CUX1: variants seen among roughly 807,000 people sequenced by gnomAD.
CUX1 encodes protein CASP.
Under a neutral mutation model 158.8 loss-of-function variants are expected in CUX1, and 31 were observed. The ratio of observed to expected loss-of-function variants is 0.20; its 90% CI spans 0.15 to 0.26. CUX1 has a LOEUF of 0.26. CUX1 is among the 10% of genes least tolerant of loss of function. The pLI is 1.00. For synonymous variants in CUX1, 879 were observed against 862.1 expected, an observed-to-expected ratio of 1.02 and a Z score of -0.34; for missense variants, 1,589 against 2,014.6, an observed-to-expected ratio of 0.79 and a Z score of 4.04.
At chr7:102,127,001 G>T (rs1365851276) in intron 8 of CUX1, among the ~76,000 whole-genome samples, 1 of 152,088 alleles carries the variant, frequency 6.6e-6, no homozygotes, top group African/African-American at 2.4e-5. Flanking sequence ...TCACAGTAGG[G>T]TTTGCACTCC....
At chr7:102,235,928 G>A (rs971522545) in intron 22 of CUX1, among the ~76,000 whole-genome samples, 3 of 151,792 alleles carry the variant, frequency 2.0e-5, no homozygotes, top group Non-Finnish European at 2.9e-5. Context: ...AGGAGAGAGA[G>A]TGTCTGGTGC....
At position 102,189,839 on chromosome 7, in the gene CUX1, G is replaced by C; in HGVS notation, c.1044G>C (p.Gln348His). Reference protein sequence around the residue: ...LKQLEEKLKGQADYEEVKKEL... With the variant: ...LKQLEEKLKGHADYEEVKKEL... ...AACTGGAAGAAAAACTCAAAGGCCA[G>C]GCTGACTATGAAGAGGTGAAGAAAG... Residue 348 changes from glutamine (Q) to histidine (H), a missense_variant, in exon 12 of 24, where the codon CAG (glutamine) becomes CAC (histidine). By Grantham distance (24) the Gln-to-His change is conservative (BLOSUM62 0). Coordinates refer to ENST00000292535, the MANE Select transcript of CUX1 (RefSeq NM_181552.4). The C allele has an allele frequency of 1.9e-6, 3 of 1,614,280 alleles. No individual in the cohort carries two copies. Among genetic ancestry groups the C allele is most frequent in the Non-Finnish European group, 2.5e-6 (3 of 1,180,048 alleles).
intron 20 of CUX1, among the ~76,000 whole-genome samples, chr7:102,218,823 C>T (rs960987685): frequency 2.0e-5 from 3 of 151,786 alleles, no homozygotes; most frequent in Admixed American, 6.6e-5. Context: ...GAGTCTGAGG[C>T]GGGAAGATCA....
chr7:101,934,973 G>A (rs1806743848), intron 2 of CUX1, among the ~76,000 whole-genome samples: 1 of 152,118 alleles, frequency 6.6e-6, no homozygotes. Flanking sequence ...GTATAGGAGT[G>A]GATGGAGGGG....
Position 102,249,226 on chromosome 7 carries a change from C to A in CUX1, c.*184C>A. The A allele has an allele frequency of 9.1e-7, 1 of 1,098,192 alleles. No homozygotes were observed. The highest frequency in any genetic ancestry group is 1.1e-6 in the Non-Finnish European group (1 of 901,496). The allele number at this position is 1,098,192 out of a possible 1,614,324, so 68.0% of individuals were successfully genotyped here. The stretch of plus-strand genomic sequence containing the variant: ...CCGCGGCCTGCACCGACCCGAGGCC[C>A]AGATCCAAGGCCGCGGCCCAGACCC... On this transcript the variant is annotated 3_prime_UTR_variant, in exon 24 of 24. Transcript: ENST00000292535.
Position 102,070,536 on chromosome 7 carries a change from T to C in CUX1, c.268+119T>C, listed in dbSNP as rs1300461655. The C allele has an allele frequency of 4.3e-6, 3 of 699,206 alleles. No individual in the cohort carries two copies. The Admixed American group carries it at 8.9e-5, about 21-fold the overall frequency. 43.3% of individuals were successfully genotyped at this position (699,206 alleles called of 1,614,324 possible). A position where few individuals can be genotyped will look rare whatever the true frequency, so the allele number is the denominator to read the frequency against. On this transcript the variant is annotated intron_variant, in intron 4 of 23. Coordinates refer to ENST00000292535, the MANE Select transcript of CUX1 (RefSeq NM_181552.4). ...AATAAATACACCATCAGTGGCAACT[T>C]CCCCCCAAGAAACCAGGGAGTGCAG... is the stretch of plus-strand genomic sequence containing the variant.
chr7:101,989,992 C>T (rs1355619812), intron 2 of CUX1, among the ~76,000 whole-genome samples: 2 of 152,154 alleles, frequency 1.3e-5, no homozygotes, highest in Non-Finnish European at 2.9e-5. Context: ...AGCCATGGCC[C>T]GACTGTGGAG....
At chr7:102,271,904 C>T (rs1342896963) in intron 14 of CUX1, among the ~76,000 whole-genome samples, 2 of 152,196 alleles carry the variant, frequency 1.3e-5, no homozygotes, top group South Asian at 2.1e-4. Context: ...CGCCTGTAAT[C>T]CCAGCTACTC....
intron 6 of CUX1, among the ~76,000 whole-genome samples, chr7:102,107,103 A>G (rs778395795): frequency 1.3e-5 from 2 of 152,078 alleles, no homozygotes. Context: ...GCATGTCAGC[A>G]TGTGCCTATA....
rs1181767660 is a variant in CUX1, at chr7:102,082,520, A to G, written c.268+12103A>G. ...GGCAACAGAGCGAGACTGTCTAAAA[A>G]TAAATACATACATAAACACATACAA... is the stretch of plus-strand genomic sequence containing the variant. On this transcript the variant is annotated intron_variant, in intron 4 of 23. Transcript: ENST00000292535. Among the ~76,000 whole-genome samples, 2 of 147,266 alleles carry G rather than the reference A, an allele frequency of 1.4e-5. 1 individual carries two copies. The highest frequency in any genetic ancestry group is 3.1e-5 in the Non-Finnish European group (2 of 65,206).
chr7:101,935,330 G>A (rs926913142), intron 2 of CUX1, among the ~76,000 whole-genome samples: 2 of 151,844 alleles, frequency 1.3e-5, no homozygotes, highest in Non-Finnish European at 2.9e-5. Context: ...TTCTCCCTTC[G>A]CTGACTCTCT....
rs148059700 is a variant in CUX1 at position 102,197,064 on chromosome 7, G to A, written c.1653G>A (p.Met551Ile). 64 of 1,614,220 alleles carry A rather than the reference G, an allele frequency of 4.0e-5. No homozygotes were observed. In the African/African-American group the frequency reaches 7.6e-4, roughly 19 times the overall value. ...GGAGCGTCTCCGAGGGCGAGGAGAT[G>A]GACACTGCAGAAATCGCCCGGCAGG... The part of the protein sequence containing the change: ...SAGSVSEGEE[M>I]DTAEIARQVK... Residue 551 changes from methionine (M) to isoleucine (I), a missense_variant, in exon 15 of 24, where the codon ATG becomes ATA. Around this residue, in one of 8 missense-constraint regions of CUX1, gnomAD observed 515 missense variants for 574.4 expected, o/e 0.90. Coordinates refer to ENST00000292535, the MANE Select transcript of CUX1 (RefSeq NM_181552.4).
chr7:101,881,333 G>A (rs954969964), intron 1 of CUX1, among the ~76,000 whole-genome samples: 13 of 152,316 alleles, frequency 8.5e-5, no homozygotes, highest in Admixed American at 6.5e-5. Context: ...CTGATTCTCT[G>A]TGAGTCTGAC....
At chr7:102,145,207 T>C (rs1457736426) in intron 8 of CUX1, among the ~76,000 whole-genome samples, 2 of 152,116 alleles carry the variant, frequency 1.3e-5, no homozygotes, top group Non-Finnish European at 2.9e-5. Context: ...CACTTTTTCT[T>C]TTCCTTGCAA....
At chr7:102,178,042 C>T (rs956294658) in intron 10 of CUX1, among the ~76,000 whole-genome samples, 10 of 152,156 alleles carry the variant, frequency 6.6e-5, no homozygotes, top group African/African-American at 2.4e-4. Flanking sequence ...CAGGTCACCA[C>T]CACGTGCCTA....
rs1216271891 is a variant in CUX1, at chr7:102,202,677, T to G, written c.2907+473T>G. Among the ~76,000 whole-genome samples, 3 of 152,140 alleles carry G rather than the reference T, an allele frequency of 2.0e-5. No homozygotes were observed. The East Asian group carries it at 5.8e-4, about 29-fold the overall frequency. On this transcript the variant is annotated intron_variant, in intron 18 of 23. Transcript: ENST00000292535. ...CAGTACGCAGAGAGCCAAAAGGGAC[T>G]TACTAGAAAAAGCTGCAGAGAGCAT...
intron 3 of CUX1, among the ~76,000 whole-genome samples, chr7:102,062,895 G>A (rs909714588): frequency 5.3e-5 from 8 of 152,138 alleles, no homozygotes; most frequent in East Asian, 2.0e-4. Context: ...ACCTGAGGTC[G>A]GGAGTTCAAG....
At chr7:101,943,776 A>G (rs149173422) in intron 2 of CUX1, among the ~76,000 whole-genome samples, 10 of 152,000 alleles carry the variant, frequency 6.6e-5, no homozygotes, top group African/African-American at 1.7e-4. Flanking sequence ...TCTCTGCTGT[A>G]TACCCAGCAC....
chr7:101,933,330 C>T (rs1463631810), intron 2 of CUX1, among the ~76,000 whole-genome samples: 1 of 151,656 alleles, frequency 6.6e-6, no homozygotes, highest in Non-Finnish European at 1.5e-5. Flanking sequence ...AAAAAAAATA[C>T]AGAGCCTTTG....
Sources: allele counts gnomAD v4.1 joint callset (sites outside exome capture counted in the v4.1 genomes callset), GRCh38; gene constraint gnomAD v4.1.1; regional missense constraint gnomAD v4.1.1; transcripts MANE v1.5; gene names NCBI Gene and HGNC (gene_info 2026-07-23, HGNC 2026-07-21).